The following RIGI variants were observed in gnomAD, a reference collection of about 807,000 sequenced individuals.
RIGI encodes RNA sensor RIG-I, also known as antiviral innate immune response receptor RIG-I.
At chr9:32,481,484 TTGAGA>T in the RIGI span, 2 of 1,582,152 alleles carry the variant, frequency 1.3e-6, no homozygotes, top group Non-Finnish European at 1.7e-6. Flanking sequence ...TATTTTGAAT[TTGAGA>T]TAAGTTTTCT....
At chr9:32,485,322 T>G in the RIGI span, 1 of 1,368,028 alleles carries the variant, frequency 7.3e-7, no homozygotes, top group Non-Finnish European at 1.0e-6. Flanking sequence ...AAAGAGTGAG[T>G]ATATTTTCAG....
chr9:32,492,469 C>T, the RIGI span: 2 of 1,614,170 alleles, frequency 1.2e-6, no homozygotes, highest in Admixed American at 1.7e-5. Flanking sequence ...GGCCAGTTTT[C>T]CTTGTCTGAT....
chr9:32,524,596 GTTTTTTT>G, the RIGI span, among the ~76,000 whole-genome samples: 41 of 67,578 alleles, frequency 6.1e-4, no homozygotes, highest in Middle Eastern at 0.016. Context: ...TTGTTTTTCG[GTTTTTTT>G]TTTTTTTTTT....
At chr9:32,488,805 G>C in the RIGI span, 1 of 1,613,284 alleles carries the variant, frequency 6.2e-7, no homozygotes, top group Non-Finnish European at 8.5e-7. Flanking sequence ...TCGCAAAAAA[G>C]ACAACTTTCC....
At chr9:32,467,764 CTGGTT>C in the RIGI span, 1 of 1,575,042 alleles carries the variant, frequency 6.3e-7, no homozygotes, top group African/African-American at 1.3e-5. Flanking sequence ...TCTCTTACCT[CTGGTT>C]TGGATCATTT....
chr9:32,524,749 T>G, the RIGI span, among the ~76,000 whole-genome samples: 1 of 151,324 alleles, frequency 6.6e-6, no homozygotes, highest in African/African-American at 2.4e-5. Flanking sequence ...ACTACAGGAG[T>G]GCACCACTAC....
the RIGI span, among the ~76,000 whole-genome samples, chr9:32,463,812 G>C: frequency 4.0e-5 from 6 of 151,234 alleles, no homozygotes; most frequent in South Asian, 1.3e-3. Flanking sequence ...TCTTTGTTCA[G>C]AATGAACTTT....
At chr9:32,481,624 T>C in the RIGI span, 1 of 678,128 alleles carries the variant, frequency 1.5e-6, no homozygotes, top group Non-Finnish European at 2.4e-6. Context: ...CTCGCTCTGA[T>C]GCCCAGGCTG....
chr9:32,460,205 C>T, the RIGI span, among the ~76,000 whole-genome samples: 2 of 152,180 alleles, frequency 1.3e-5, no homozygotes, highest in African/African-American at 4.8e-5. Flanking sequence ...TGAGGCCTCC[C>T]CAGCCATGTG....
At chr9:32,488,820 T>C in the RIGI span, 1 of 1,613,384 alleles carries the variant, frequency 6.2e-7, no homozygotes, top group Non-Finnish European at 8.5e-7. Flanking sequence ...CTTTCCCCTT[T>C]TGTCCTTGTG....
the RIGI span, among the ~76,000 whole-genome samples, chr9:32,460,519 G>A: frequency 4.1e-3 from 629 of 152,168 alleles, 10 homozygotes; most frequent in African/African-American, 0.014. Flanking sequence ...CCAACACTGA[G>A]AAGAGAAAGA....
At chr9:32,483,081 T>G in the RIGI span, among the ~76,000 whole-genome samples, 3 of 152,070 alleles carry the variant, frequency 2.0e-5, no homozygotes, top group Non-Finnish European at 4.4e-5. Context: ...AGGCTCTGTG[T>G]AGGGTGCTGG....
At chr9:32,487,936 T>G in the RIGI span, 2 of 1,613,328 alleles carry the variant, frequency 1.2e-6, no homozygotes, top group Non-Finnish European at 1.7e-6. Context: ...CGTCTGACTT[T>G]GGAGATACCT....
chr9:32,460,998 T>G, the RIGI span, among the ~76,000 whole-genome samples: 1 of 149,944 alleles, frequency 6.7e-6, no homozygotes, highest in South Asian at 2.1e-4. Context: ...AGACAGGTTA[T>G]AATTAAATTT....
At chr9:32,499,007 A>AT in the RIGI span, among the ~76,000 whole-genome samples, 1 of 138,772 alleles carries the variant, frequency 7.2e-6, no homozygotes, top group Non-Finnish European at 1.6e-5. Context: ...AAAAAAAAAG[A>AT]TTTCCATTAA....
chr9:32,487,456 T>C, the RIGI span: 9 of 1,612,824 alleles, frequency 5.6e-6, no homozygotes, highest in South Asian at 2.2e-5. Flanking sequence ...AGGCTTGTTA[T>C]TGGATCCAAC....
the RIGI span, among the ~76,000 whole-genome samples, chr9:32,497,096 C>A: frequency 4.6e-4 from 70 of 152,168 alleles, no homozygotes; most frequent in Middle Eastern, 0.017. Flanking sequence ...AATGCCATTG[C>A]GATTTTGATA....
chr9:32,481,512 A>G, the RIGI span: 1 of 1,547,798 alleles, frequency 6.5e-7, no homozygotes, highest in Non-Finnish European at 8.7e-7. Flanking sequence ...TAAAAAAAAA[A>G]AAAAAAGTTT....
chr9:32,505,247 T>C, the RIGI span, among the ~76,000 whole-genome samples: 1 of 151,718 alleles, frequency 6.6e-6, no homozygotes, highest in African/African-American at 2.4e-5. Context: ...AGATGCACAT[T>C]ATAAAGTAAA....
Sources: gnomAD v4.1 joint callset for allele counts (sites outside exome capture counted in the v4.1 genomes callset) on GRCh38, gnomAD v4.1.1 for gene constraint, MANE v1.5 for transcripts, NCBI Gene and HGNC (gene_info 2026-07-23, HGNC 2026-07-21) for gene names.